The following CACNB2 variants were observed in gnomAD, a reference collection of about 807,000 sequenced individuals.
CACNB2 encodes the protein calcium voltage-gated channel auxiliary subunit beta 2, also known as voltage-dependent L-type calcium channel subunit beta-2.
In CACNB2, 42 loss-of-function variants were observed where a neutral mutation model predicts 73.3. The ratio of observed to expected loss-of-function variants is 0.57; its 90% CI spans 0.45 to 0.74. The LOEUF (loss-of-function observed/expected upper bound fraction) is 0.74. Among genes scored for constraint, CACNB2 ranks in the 30% least tolerant of loss-of-function variants. CACNB2 has a pLI of 0.00. For missense variants in CACNB2, 940 were observed against 853.0 expected, an observed-to-expected ratio of 1.10 and a Z score of -1.27; for synonymous variants, 348 against 310.3, an observed-to-expected ratio of 1.12 and a Z score of -1.28.
At chr10:18,344,731 A>G (rs2041375840) in intron 2 of CACNB2, among the ~76,000 whole-genome samples, 1 of 152,214 alleles carries the variant, frequency 6.6e-6, no homozygotes, top group South Asian at 2.1e-4. Context: ...GCAGTGGCTC[A>G]TGCCTGAACG....
intron 2 of CACNB2, among the ~76,000 whole-genome samples, chr10:18,345,743 G>T (rs1392926147): frequency 1.3e-5 from 2 of 152,078 alleles, no homozygotes; most frequent in Non-Finnish European, 2.9e-5. Flanking sequence ...CTAGAGGTTG[G>T]CTTGAAGAAA....
At chr10:18,400,796 A>G in intron 2 of CACNB2, 2 of 1,424,612 alleles carry the variant, frequency 1.4e-6, no homozygotes, top group Non-Finnish European at 1.8e-6. Flanking sequence ...TTTTAAAGCA[A>G]TATAAAGCAC....
At chr10:18,293,215 G>A (rs1297417384) in intron 2 of CACNB2, among the ~76,000 whole-genome samples, 3 of 151,988 alleles carry the variant, frequency 2.0e-5, no homozygotes, top group Non-Finnish European at 2.9e-5. Context: ...AAGTTAATTC[G>A]CTTTTAATAA....
At chr10:18,389,895 T>A (rs1181197632) in intron 2 of CACNB2, among the ~76,000 whole-genome samples, 2 of 152,342 alleles carry the variant, frequency 1.3e-5, no homozygotes, top group East Asian at 3.9e-4. Context: ...GGCTAATTGA[T>A]TTTTTCGTGA....
chr10:18,488,188 G>T (rs1431287261), intron 3 of CACNB2, among the ~76,000 whole-genome samples: 1 of 151,586 alleles, frequency 6.6e-6, no homozygotes, highest in African/African-American at 2.4e-5. Flanking sequence ...TAAAAATAAT[G>T]ATTTGTGCCG....
intron 9 of CACNB2, among the ~76,000 whole-genome samples, chr10:18,526,976 G>A (rs952104289): frequency 1.3e-5 from 2 of 152,122 alleles, no homozygotes; most frequent in Admixed American, 6.5e-5. Context: ...AGCAACAGTG[G>A]GATAATAGTA....
intron 3 of CACNB2, among the ~76,000 whole-genome samples, chr10:18,451,428 TAG>T (rs1334157593): frequency 6.6e-6 from 1 of 152,188 alleles, no homozygotes; most frequent in Non-Finnish European, 1.5e-5. Context: ...CAGTCATGGA[TAG>T]AGAGTTTCTG....
At chr10:18,238,511 C>T (rs932034766) in intron 2 of CACNB2, 1 of 151,986 alleles carries the variant, frequency 6.6e-6, no homozygotes, top group African/African-American at 2.4e-5. Context: ...GTTTTCCATC[C>T]AATGTGAACC....
chr10:18,234,694 G>A (rs187680443), intron 2 of CACNB2, among the ~76,000 whole-genome samples: 2 of 152,192 alleles, frequency 1.3e-5, no homozygotes, highest in African/African-American at 2.4e-5. Context: ...AGGTAGAATG[G>A]TGGTTCCCAG....
intron 3 of CACNB2, among the ~76,000 whole-genome samples, chr10:18,443,929 A>C (rs143530502): frequency 6.6e-6 from 1 of 152,150 alleles, no homozygotes; most frequent in African/African-American, 2.4e-5. Context: ...TGGCCAGACT[A>C]GTCTTGAATG....
At chr10:18,141,434 G>A (rs1437629397) in intron 1 of CACNB2, among the ~76,000 whole-genome samples, 1 of 152,198 alleles carries the variant, frequency 6.6e-6, no homozygotes, top group Non-Finnish European at 1.5e-5. Flanking sequence ...GTCCCCTCGG[G>A]CACTTGCCAA....
rs1271969800 is a variant in CACNB2 at position 18,541,535 on chromosome 10, C to CCTAA, written c.*1814_*1817dup. On this transcript the variant is annotated 3_prime_UTR_variant, in exon 14 of 14. Transcript: ENST00000324631. The stretch of plus-strand genomic sequence containing the variant: ...CCAGGAAAATGCCTGTGTATAATTA[C>CCTAA]CTAACTTCAGATCTGCACATTAACT... The CCTAA allele has an allele frequency of 6.6e-6, 1 of 152,238 alleles. No individual in the cohort carries two copies. The highest frequency in any genetic ancestry group is 1.9e-4 in the East Asian group (1 of 5,184). 9.4% of individuals were successfully genotyped at this position (152,238 alleles called of 1,614,324 possible).
chr10:18,438,223 G>A (rs981800548), intron 3 of CACNB2, among the ~76,000 whole-genome samples: 1 of 147,486 alleles, frequency 6.8e-6, no homozygotes, highest in African/African-American at 2.5e-5. Flanking sequence ...TAGAGACGGG[G>A]TTTCACCGCA....
intron 3 of CACNB2, among the ~76,000 whole-genome samples, chr10:18,418,454 T>C (rs2045126192): frequency 6.6e-6 from 1 of 152,252 alleles, no homozygotes; most frequent in African/African-American, 2.4e-5. Context: ...AAACTAAATA[T>C]GGCCTGAGAA....
At chr10:18,290,112 CTTTTTTTTTTTTTTTTTT>C (rs992393946) in intron 2 of CACNB2, among the ~76,000 whole-genome samples, 1 of 50,134 alleles carries the variant, frequency 2.0e-5, no homozygotes, top group African/African-American at 6.8e-5. Context: ...TTTTCTTTTT[CTTTTTTTTTTTTTTTTTT>C]TTTTTTTTTG....
chr10:18,306,224 A>G (rs2039721551), intron 2 of CACNB2, among the ~76,000 whole-genome samples: 1 of 152,116 alleles, frequency 6.6e-6, no homozygotes, highest in Non-Finnish European at 1.5e-5. Flanking sequence ...AAACAAGCAA[A>G]TATAGCCTCC....
chr10:18,284,725 A>G (rs72784229), intron 2 of CACNB2, among the ~76,000 whole-genome samples: 31,500 of 152,106 alleles, frequency 0.21, 3,618 homozygotes, highest in Admixed American at 0.28. Context: ...TATGATGAAA[A>G]TTGTTAGATT....
chr10:18,419,309 G>A (rs551993808), intron 3 of CACNB2, among the ~76,000 whole-genome samples: 25 of 152,060 alleles, frequency 1.6e-4, no homozygotes, highest in African/African-American at 6.0e-4. Context: ...TCCAGGTGCT[G>A]TATTCAGCAT....
At chr10:18,400,826 C>A (rs1191420676) in intron 2 of CACNB2, 3 of 1,448,098 alleles carry the variant, frequency 2.1e-6, no homozygotes, top group Admixed American at 5.5e-5. Flanking sequence ...TGTTTTCAGC[C>A]CCTCCTGGAA....
Sources: gnomAD v4.1 joint callset for allele counts (sites outside exome capture counted in the v4.1 genomes callset) on GRCh38, gnomAD v4.1.1 for gene constraint, MANE v1.5 for transcripts, NCBI Gene and HGNC (gene_info 2026-07-23, HGNC 2026-07-21) for gene names.